The following LRRC43 variants were observed in gnomAD, a reference collection of about 807,000 sequenced individuals.
The protein encoded by LRRC43 is leucine-rich repeat-containing protein 43.
A neutral mutation model predicts 64.3 loss-of-function variants in LRRC43; 62 were observed. That is an observed-to-expected ratio of 0.96 (90% CI 0.79 to 1.19). The LOEUF (loss-of-function observed/expected upper bound fraction) is 1.19. Ranked by LOEUF, LRRC43 falls within the 50% of genes most tolerant of loss-of-function variation. LRRC43 has a pLI of 0.00. For missense variants in LRRC43, 868 were observed against 845.0 expected (o/e 1.03, Z -0.34); for synonymous variants, 422 against 382.3 (o/e 1.10, Z -1.21).
At chr12:122,187,893 G>A in intron 4 of LRRC43, 53 bp downstream of exon 4, 1 of 1,592,132 alleles carries the variant, frequency 6.3e-7, no homozygotes, top group Non-Finnish European at 8.6e-7. Context: ...GTATCAGGTT[G>A]GGGCGATTCT....
rs1411425565 is a variant in LRRC43, at chr12:122,184,256, G to A, written c.151-263G>A. ...ACTACAGTTGCGTGCCACCACGCCC[G>A]GCTAATTTTTTGTATTTTTAGTCGA... On this transcript the variant is annotated intron_variant, in intron 1 of 11. Transcript: ENST00000339777. This position sits in a 1 kb window ranked among gnomAD's most constrained non-coding sequence, Gnocchi z 4.0. 6.6e-5 allele frequency among the ~76,000 whole-genome samples: 10 copies of A among 151,998 alleles called. No individual in the cohort carries two copies. Among genetic ancestry groups the A allele is most frequent in the African/African-American group, 9.7e-5 (4 of 41,400 alleles).
chr12:122,180,273 C>T (rs903457896), upstream of LRRC43, among the ~76,000 whole-genome samples: 2 of 152,114 alleles, frequency 1.3e-5, no homozygotes, highest in Non-Finnish European at 2.9e-5. Context: ...AATCCCAGCA[C>T]TTTGGGAGGC....
At position 122,196,541 on chromosome 12, in the gene LRRC43, G is replaced by A. The variant is rs112158973; in HGVS notation, c.1349+3537G>A. On this transcript the variant is annotated intron_variant, in intron 7 of 11. Transcript: ENST00000339777. Reference sequence around the variant, plus strand: ...CCAGCAGTTTGGGAGGCCGAGGCAGGCAGATCACTTGAGGTCAGGAGTTTG... The same window carrying A: ...CCAGCAGTTTGGGAGGCCGAGGCAGACAGATCACTTGAGGTCAGGAGTTTG... 2.0e-5 allele frequency among the ~76,000 whole-genome samples: 3 copies of A among 152,140 alleles called. No homozygotes were observed. In the East Asian group the frequency reaches 5.8e-4, roughly 29 times the overall value.
chr12:122,184,553 C>T lies in LRRC43; in HGVS notation c.185C>T (p.Thr62Ile). ...KSRFLPQTWR[T>I]WRELVPREED... ...CGCTTTCTTCCTCAAACTTGGCGAACTTGGAGGGAGCTTGTCCCCAGAGAG... is the reference window on the plus strand; with the variant it reads ...CGCTTTCTTCCTCAAACTTGGCGAATTTGGAGGGAGCTTGTCCCCAGAGAG... The change falls in exon 2 of 12, where the codon ACT (threonine) becomes ATT (isoleucine). Residue 62 changes from threonine to isoleucine, a missense_variant. By Grantham distance (89) the Thr-to-Ile change is moderately conservative. Transcript: ENST00000339777. The surrounding 1 kb of genome is among the most constrained non-coding windows in gnomAD (Gnocchi z 4.0). The T allele has an allele frequency of 6.2e-7, 1 of 1,613,816 alleles. No individual in the cohort carries two copies. Among genetic ancestry groups the T allele is most frequent in the Non-Finnish European group, 8.5e-7 (1 of 1,179,820 alleles).
chr12:122,171,912 G>A (rs1020963717), intron 1 of LRRC43: 1 of 154,574 alleles, frequency 6.5e-6, no homozygotes, highest in African/African-American at 2.4e-5. Context: ...GGGAAGAAAT[G>A]ACAGTGGTAG....
chr12:122,177,670 A>G (rs1953549286), intron 1 of LRRC43, among the ~76,000 whole-genome samples: 1 of 150,786 alleles, frequency 6.6e-6, no homozygotes, highest in Admixed American at 6.6e-5. Flanking sequence ...ATGCCTGGCT[A>G]ATTTTTCTAT....
intron 7 of LRRC43, 30 bp downstream of exon 7, chr12:122,193,034 TG>T: frequency 6.2e-7 from 1 of 1,609,608 alleles, no homozygotes; most frequent in East Asian, 2.2e-5. Flanking sequence ...CCAGGGCAAG[TG>T]GTCAGAGCAG....
chr12:122,191,888 A>G (rs1057282055), intron 6 of LRRC43, among the ~76,000 whole-genome samples: 12 of 152,124 alleles, frequency 7.9e-5, no homozygotes, highest in African/African-American at 2.9e-4. Flanking sequence ...TCCTGAGCTC[A>G]AGTGATCCTC....
chr12:122,193,422 T>TGTTA (rs1953744209), intron 7 of LRRC43, among the ~76,000 whole-genome samples: 1 of 142,056 alleles, frequency 7.0e-6, no homozygotes, highest in Non-Finnish European at 1.5e-5. Flanking sequence ...CCCACTAGAC[T>TGTTA]GTTAGCTGTG....
chr12:122,181,504 C>T (rs556517873), upstream of LRRC43, among the ~76,000 whole-genome samples: 8 of 149,082 alleles, frequency 5.4e-5, no homozygotes, highest in Admixed American at 1.3e-4. Context: ...GATTGCACCA[C>T]TGCACTCCAG....
Position 122,190,319 on chromosome 12 carries a change from C to G in LRRC43, c.852C>G (p.Thr284=). 1 of 1,614,162 alleles carries G rather than the reference C, an allele frequency of 6.2e-7. No homozygotes were observed. Among genetic ancestry groups the G allele is most frequent in the Non-Finnish European group, 8.5e-7 (1 of 1,180,034 alleles). The change falls in exon 5 of 12, where the codon ACC becomes ACG. Residue 284 remains threonine, a synonymous_variant. Transcript: ENST00000339777. ...AGCTCTGCGTGCTGGACGACATCAC[C>G]GTGTCTCCCAATGAGAAGCATCTCT... ...LAQLCVLDDI[T]VSPNEKHLFR...
At chr12:122,183,866 A>G (rs566451355) in intron 1 of LRRC43, among the ~76,000 whole-genome samples, 2 of 151,620 alleles carry the variant, frequency 1.3e-5, no homozygotes, top group South Asian at 4.2e-4. Flanking sequence ...TCCGCCTCCC[A>G]AGTAGCAGGG....
chr12:122,190,528 C>T (rs1953706389), intron 5 of LRRC43, among the ~76,000 whole-genome samples, 160 bp downstream of exon 5: 1 of 152,154 alleles, frequency 6.6e-6, no homozygotes, highest in South Asian at 2.1e-4. Flanking sequence ...CAGAGCTTTC[C>T]ACCAGGCTTT....
At chr12:122,172,161 AAGT>A in intron 1 of LRRC43, 1 of 412,348 alleles carries the variant, frequency 2.4e-6, no homozygotes, top group Middle Eastern at 6.9e-4. Context: ...AGGGTATAAT[AAGT>A]AAGACTTAAG....
chr12:122,187,898 G>A (rs1047380249), intron 4 of LRRC43, 58 bp downstream of exon 4: 12 of 1,569,312 alleles, frequency 7.6e-6, no homozygotes, highest in East Asian at 2.3e-5. Flanking sequence ...AGGTTGGGGC[G>A]ATTCTACCCC....
intron 4 of LRRC43, among the ~76,000 whole-genome samples, chr12:122,188,865 G>A (rs1234327564): frequency 6.6e-6 from 1 of 152,186 alleles, no homozygotes; most frequent in Non-Finnish European, 1.5e-5. Flanking sequence ...GCCTGCACCC[G>A]CAGATGCCAG....
Position 122,203,305 on chromosome 12 carries a change from A to C in LRRC43, c.1844-10A>C. The C allele has an allele frequency of 6.2e-7, 1 of 1,609,916 alleles. No homozygotes were observed. The highest frequency in any genetic ancestry group is 8.5e-7 in the Non-Finnish European group (1 of 1,179,516). ...TCCCGGGGCTCATGCTCGCACTTAA[A>C]TTTTCTCAGAAAAGCCGAAAGCCGT... On this transcript the variant is annotated splice_polypyrimidine_tract_variant and intron_variant, in intron 11 of 11. Transcript: ENST00000339777.
At chr12:122,188,239 T>TC (rs1953670336) in intron 4 of LRRC43, among the ~76,000 whole-genome samples, 1 of 150,964 alleles carries the variant, frequency 6.6e-6, no homozygotes, top group Non-Finnish European at 1.5e-5. Context: ...CCCGAGTAGC[T>TC]GGGACTACAG....
At chr12:122,186,801 C>T (rs1229529992) in intron 3 of LRRC43, among the ~76,000 whole-genome samples, 1 of 152,126 alleles carries the variant, frequency 6.6e-6, no homozygotes, top group Non-Finnish European at 1.5e-5. Context: ...CGCCTGTAGT[C>T]CCAGCTGCTT....
Sources: gnomAD v4.1 joint callset for allele counts (sites outside exome capture counted in the v4.1 genomes callset) on GRCh38, gnomAD v4.1.1 for gene constraint, Gnocchi (gnomAD v3.1) non-coding constraint, MANE v1.5 for transcripts, NCBI Gene and HGNC (gene_info 2026-07-23, HGNC 2026-07-21) for gene names.